The following RBFOX1 variants were observed in gnomAD, a reference collection of about 807,000 sequenced individuals.
RBFOX1 encodes RNA binding protein fox-1 homolog 1.
Under a neutral mutation model 57.7 loss-of-function variants are expected in RBFOX1, and 8 were observed. The ratio of observed to expected loss-of-function variants is 0.14; its 90% confidence interval spans 0.08 to 0.25. The LOEUF is 0.25. Among genes scored for constraint, RBFOX1 ranks in the 10% least tolerant of loss-of-function variants. RBFOX1 has a pLI of 1.00. For missense variants in RBFOX1, 611 were observed against 548.5 expected (o/e 1.11, Z -1.14); for synonymous variants, 326 against 222.4 (o/e 1.47, Z -4.15).
intron 2 of RBFOX1, among the ~76,000 whole-genome samples, chr16:6,623,443 C>CTTT (rs57896155): frequency 6.7e-6 from 1 of 149,224 alleles, no homozygotes; most frequent in African/African-American, 2.5e-5. Context: ...GGTGAAAATT[C>CTTT]TTTTTTTTTT....
At chr16:7,665,985 A>G (rs1447369366) in intron 13 of RBFOX1, among the ~76,000 whole-genome samples, 6 of 152,232 alleles carry the variant, frequency 3.9e-5, no homozygotes, top group Non-Finnish European at 7.3e-5. Flanking sequence ...TATACTTACT[A>G]TAATCTGTGG....
At chr16:7,576,739 C>G (rs1010866933) in intron 5 of RBFOX1, among the ~76,000 whole-genome samples, 1 of 152,106 alleles carries the variant, frequency 6.6e-6, no homozygotes, top group African/African-American at 2.4e-5. Flanking sequence ...CTCTGTAATT[C>G]CTAATTAGGT....
intron 3 of RBFOX1, among the ~76,000 whole-genome samples, chr16:6,855,448 G>T (rs573234329): frequency 3.0e-4 from 45 of 151,984 alleles, no homozygotes; most frequent in African/African-American, 1.1e-3. Flanking sequence ...TCAGGAGATC[G>T]AGACCATCCT....
intron 4 of RBFOX1, among the ~76,000 whole-genome samples, chr16:5,998,234 G>T (rs2060523733): frequency 6.6e-6 from 1 of 152,096 alleles, no homozygotes; most frequent in South Asian, 2.1e-4. Context: ...TGATGTGGAA[G>T]GTTTATCCTG....
intron 2 of RBFOX1, among the ~76,000 whole-genome samples, chr16:5,560,538 G>C (rs762511985): frequency 6.6e-6 from 1 of 152,038 alleles, no homozygotes; most frequent in Non-Finnish European, 1.5e-5. Flanking sequence ...TCCTTTGTCT[G>C]TTTGAATCTC....
intron 4 of RBFOX1, among the ~76,000 whole-genome samples, chr16:7,158,605 C>G (rs1478318554): frequency 6.6e-6 from 1 of 151,458 alleles, no homozygotes; most frequent in African/African-American, 2.4e-5. Flanking sequence ...GTCCTGTGAC[C>G]ATGTGTTTGT....
intron 3 of RBFOX1, among the ~76,000 whole-genome samples, chr16:6,716,762 G>A (rs940749558): frequency 1.3e-5 from 2 of 152,072 alleles, no homozygotes; most frequent in African/African-American, 4.8e-5. Context: ...TGTTGGGAAG[G>A]GATTTTTTTT....
chr16:6,859,138 T>TAC lies in RBFOX1; in HGVS notation c.-15-192918_-15-192917dup, dbSNP rs1555536776. ...ATATATATATATATATACATATATA[T>TAC]ACGTATATATATATGTATATATATA... On this transcript the variant is annotated intron_variant, in intron 3 of 15. Coordinates refer to ENST00000550418, the MANE Select transcript of RBFOX1 (RefSeq NM_018723.4). Among the ~76,000 whole-genome samples the TAC allele has an allele frequency of 7.8e-5, 8 of 102,984 alleles. No homozygotes were observed. The South Asian group carries it at 2.0e-3, about 26-fold the overall frequency. 67.6% of individuals were successfully genotyped at this position (102,984 alleles called of 152,430 possible).
Position 5,953,725 on chromosome 16 carries a change from TA to T in RBFOX1, c.351+86396del, listed in dbSNP as rs1255685471. Among the ~76,000 whole-genome samples, 5 of 149,114 alleles carry T rather than the reference TA, an allele frequency of 3.4e-5. 1 individual carries two copies. The South Asian group carries it at 8.4e-4, about 25-fold the overall frequency. On this transcript the variant is annotated intron_variant, in intron 4 of 19. Coordinates refer to the RBFOX1 transcript ENST00000641259. ...TGTCTTATATATATATATATATATA[TA>T]AAAAACACATTTTCTTCATCCACTT...
chr16:7,567,987 A>G (rs2092304389), intron 5 of RBFOX1, among the ~76,000 whole-genome samples: 1 of 151,862 alleles, frequency 6.6e-6, no homozygotes, highest in South Asian at 2.1e-4. Context: ...TTAAAATGCC[A>G]AATTTATTTC....
rs147483048 is a variant in RBFOX1, at chr16:6,993,150, A to C, written c.-15-58907A>C. On this transcript the variant is annotated intron_variant, in intron 3 of 15. Coordinates refer to ENST00000550418, the MANE Select transcript of RBFOX1 (RefSeq NM_018723.4). Reference sequence around the variant, plus strand: ...ATAGATGGACTGAACTGTAACACTGACTTTCTTTTCTTTGTCTCACTTGTC... The same window carrying C: ...ATAGATGGACTGAACTGTAACACTGCCTTTCTTTTCTTTGTCTCACTTGTC... 5.0e-3 allele frequency among the ~76,000 whole-genome samples: 762 copies of C among 152,244 alleles called. 9 individuals are homozygous for C. The highest frequency in any genetic ancestry group is 0.018 in the African/African-American group (728 of 41,548).
intron 4 of RBFOX1, among the ~76,000 whole-genome samples, chr16:7,106,380 G>T (rs1045958685): frequency 2.0e-5 from 3 of 152,058 alleles, no homozygotes; most frequent in African/African-American, 7.2e-5. Flanking sequence ...GAGTCAGATT[G>T]AAAAATATTT....
chr16:6,872,619 T>A (rs1355308232), intron 3 of RBFOX1, among the ~76,000 whole-genome samples: 3 of 152,178 alleles, frequency 2.0e-5, no homozygotes, highest in Admixed American at 1.3e-4. Flanking sequence ...GTGCAACTAC[T>A]TTGAATATTC....
At chr16:5,490,826 CT>C (rs903743006) in intron 2 of RBFOX1, among the ~76,000 whole-genome samples, 2 of 152,044 alleles carry the variant, frequency 1.3e-5, no homozygotes, top group African/African-American at 4.8e-5. Flanking sequence ...TCTTAATAAA[CT>C]TTTTTTTCTT....
intron 1 of RBFOX1, among the ~76,000 whole-genome samples, chr16:5,282,831 A>G (rs2063304638): frequency 6.6e-6 from 1 of 152,246 alleles, no homozygotes; most frequent in African/African-American, 2.4e-5. Flanking sequence ...CATTTTCTCA[A>G]GAAAAATTCG....
chr16:5,661,604 G>A (rs967736321), intron 3 of RBFOX1, among the ~76,000 whole-genome samples: 1 of 152,200 alleles, frequency 6.6e-6, no homozygotes, highest in Non-Finnish European at 1.5e-5. Flanking sequence ...ATGATTTGAT[G>A]TACATACACA....
At chr16:7,333,179 T>G in intron 4 of RBFOX1, 2 of 1,256,774 alleles carry the variant, frequency 1.6e-6, no homozygotes, top group Non-Finnish European at 1.2e-6. Context: ...CAAACACTTT[T>G]AATACAGGAA....
chr16:5,762,799 TG>T (rs2053635390), intron 3 of RBFOX1, among the ~76,000 whole-genome samples: 1 of 152,218 alleles, frequency 6.6e-6, no homozygotes, highest in African/African-American at 2.4e-5. Flanking sequence ...TACATAGGTC[TG>T]GGAAGATATT....
chr16:6,651,209 C>A (rs1403162349), intron 2 of RBFOX1, among the ~76,000 whole-genome samples: 1 of 152,084 alleles, frequency 6.6e-6, no homozygotes, highest in African/African-American at 2.4e-5. Flanking sequence ...GCCTGGAACC[C>A]CTAATGTTTG....
Sources: allele counts gnomAD v4.1 joint callset (sites outside exome capture counted in the v4.1 genomes callset), GRCh38; gene constraint gnomAD v4.1.1; transcripts MANE v1.5; gene names NCBI Gene and HGNC (gene_info 2026-07-23, HGNC 2026-07-21).